The following CLSTN2 variants were observed in gnomAD, a reference collection of about 807,000 sequenced individuals.
The protein encoded by CLSTN2 is calsyntenin-2.
CLSTN2 carries 48 observed loss-of-function variants against 101.2 expected under a neutral mutation model. The ratio of observed to expected loss-of-function variants is 0.47; its 90% CI spans 0.38 to 0.60. The LOEUF is 0.60. CLSTN2 is among the 20% of genes least tolerant of loss of function. CLSTN2 has a pLI of 0.00. For missense variants in CLSTN2, 1,160 were observed against 1,238.2 expected (o/e 0.94, Z 0.95); for synonymous variants, 481 against 463.6 (o/e 1.04, Z -0.48).
chr3:140,501,640 C>T (rs1934578892), intron 8 of CLSTN2, among the ~76,000 whole-genome samples: 3 of 150,724 alleles, frequency 2.0e-5, no homozygotes, highest in South Asian at 4.2e-4. Flanking sequence ...GTTGTGTTTC[C>T]CAAGGCCCTC....
intron 2 of CLSTN2, among the ~76,000 whole-genome samples, chr3:140,358,686 C>T (rs1421892864): frequency 6.6e-6 from 1 of 152,072 alleles, no homozygotes; most frequent in African/African-American, 2.4e-5. Flanking sequence ...TACCTGGGAG[C>T]ATTCTCAGAA....
At chr3:140,472,384 G>T (rs1161386441) in intron 8 of CLSTN2, among the ~76,000 whole-genome samples, 1 of 152,208 alleles carries the variant, frequency 6.6e-6, no homozygotes, top group Non-Finnish European at 1.5e-5. Context: ...TGCAGAGTCA[G>T]TTTACTTGCA....
intron 2 of CLSTN2, among the ~76,000 whole-genome samples, chr3:140,194,612 A>C (rs1345469810): frequency 6.6e-6 from 1 of 151,910 alleles, no homozygotes; most frequent in Non-Finnish European, 1.5e-5. Flanking sequence ...ATGCTCTGAG[A>C]CTCTGGGTCT....
rs1020413453 is a variant in CLSTN2 at position 140,493,484 on chromosome 3, A to G, written c.1344+26753A>G. Among the ~76,000 whole-genome samples, 8 of 152,220 alleles carry G rather than the reference A, an allele frequency of 5.3e-5. No individual in the cohort carries two copies. The East Asian group carries it at 1.2e-3, about 22-fold the overall frequency. ...CATGCAACCTAAGGGCAATGTGACAAGTTTGCTTCTTCAGCCAAATATTTG... is the reference window on the plus strand; with the variant it reads ...CATGCAACCTAAGGGCAATGTGACAGGTTTGCTTCTTCAGCCAAATATTTG... On this transcript the variant is annotated intron_variant, in intron 8 of 16. Transcript: ENST00000458420.
At chr3:140,490,718 C>G (rs72991084) in intron 8 of CLSTN2, among the ~76,000 whole-genome samples, 1 of 151,874 alleles carries the variant, frequency 6.6e-6, no homozygotes. Flanking sequence ...TTTCACCAAG[C>G]AGTGTCATAG....
chr3:140,321,773 TG>T (rs1308040415), intron 2 of CLSTN2, among the ~76,000 whole-genome samples: 1 of 152,188 alleles, frequency 6.6e-6, no homozygotes. Flanking sequence ...TTGTCCTCTC[TG>T]AAAAAAGTTC....
chr3:140,022,088 T>C (rs1489568006), intron 1 of CLSTN2, among the ~76,000 whole-genome samples: 1 of 152,156 alleles, frequency 6.6e-6, no homozygotes, highest in Non-Finnish European at 1.5e-5. Context: ...TGTGGAGGAC[T>C]CACTGGGCAG....
chr3:140,297,401 C>T (rs2087014302), intron 2 of CLSTN2, among the ~76,000 whole-genome samples: 1 of 152,170 alleles, frequency 6.6e-6, no homozygotes, highest in African/African-American at 2.4e-5. Context: ...ACGTAAATGC[C>T]TTTGTTACTA....
At chr3:140,236,824 AGT>A (rs548988567) in intron 2 of CLSTN2, among the ~76,000 whole-genome samples, 224 of 125,824 alleles carry the variant, frequency 1.8e-3, no homozygotes, top group African/African-American at 6.4e-3. Context: ...TATGTTATAT[AGT>A]GTGTGTGTGT....
At chr3:140,435,662 T>C (rs1373428902) in intron 5 of CLSTN2, among the ~76,000 whole-genome samples, 1 of 152,222 alleles carries the variant, frequency 6.6e-6, no homozygotes, top group Non-Finnish European at 1.5e-5. Context: ...TCCATAGTAG[T>C]TGTATTAATT....
At chr3:140,127,960 T>C (rs2350279) in intron 1 of CLSTN2, among the ~76,000 whole-genome samples, 47,931 of 151,980 alleles carry the variant, frequency 0.32, 9,053 homozygotes, top group African/African-American at 0.52. Flanking sequence ...ATAGTAATAA[T>C]AAAGCCTCTA....
At chr3:140,179,816 T>C (rs2107830967) in intron 2 of CLSTN2, among the ~76,000 whole-genome samples, 1 of 152,294 alleles carries the variant, frequency 6.6e-6, no homozygotes, top group Admixed American at 6.5e-5. Context: ...AGTTTGTCTA[T>C]TTCCAATTCT....
At chr3:140,127,851 A>G (rs1157088620) in intron 1 of CLSTN2, among the ~76,000 whole-genome samples, 10 of 152,176 alleles carry the variant, frequency 6.6e-5, no homozygotes, top group Admixed American at 5.2e-4. Flanking sequence ...TTTTTCTCCT[A>G]TGTTATTTAT....
intron 1 of CLSTN2, among the ~76,000 whole-genome samples, chr3:140,096,647 G>A (rs1013942518): frequency 6.6e-6 from 1 of 152,176 alleles, no homozygotes; most frequent in African/African-American, 2.4e-5. Flanking sequence ...GTGCTTCACT[G>A]CAGATAGAGA....
chr3:140,195,670 AT>A (rs1327614874), intron 2 of CLSTN2, among the ~76,000 whole-genome samples: 1 of 152,218 alleles, frequency 6.6e-6, no homozygotes, highest in Admixed American at 6.5e-5. Context: ...TTAAAAAGTA[AT>A]TTAGTTTTAT....
intron 1 of CLSTN2, among the ~76,000 whole-genome samples, chr3:140,168,925 A>G (rs1216127702): frequency 1.3e-5 from 2 of 152,106 alleles, no homozygotes; most frequent in Admixed American, 6.6e-5. Context: ...ATTAGGTAGT[A>G]TAAGTCCTTC....
intron 1 of CLSTN2, among the ~76,000 whole-genome samples, chr3:140,116,112 G>A (rs572651275): frequency 6.6e-5 from 10 of 152,228 alleles, no homozygotes; most frequent in South Asian, 4.1e-4. Context: ...CAGCTGAAGT[G>A]GGAATATCAA....
intron 1 of CLSTN2, among the ~76,000 whole-genome samples, chr3:140,026,149 T>C (rs149984085): frequency 6.6e-6 from 1 of 152,278 alleles, no homozygotes; most frequent in East Asian, 1.9e-4. Flanking sequence ...CTCTGCACTT[T>C]AGTATTCTTG....
intron 1 of CLSTN2, among the ~76,000 whole-genome samples, chr3:140,081,115 A>G (rs2008590601): frequency 6.6e-6 from 1 of 152,244 alleles, no homozygotes; most frequent in African/African-American, 2.4e-5. Flanking sequence ...AGAATGGAAC[A>G]AAAGGTGAAG....
Sources: gnomAD v4.1 joint callset for allele counts (sites outside exome capture counted in the v4.1 genomes callset) on GRCh38, gnomAD v4.1.1 for gene constraint, MANE v1.5 for transcripts, NCBI Gene and HGNC (gene_info 2026-07-23, HGNC 2026-07-21) for gene names.